CARD14: variants seen among roughly 807,000 people sequenced by gnomAD.
CARD14 encodes the protein caspase recruitment domain family member 14, also known as caspase recruitment domain-containing protein 14.
In CARD14, 107 loss-of-function variants were observed where a neutral mutation model predicts 111.5. That is an observed-to-expected ratio of 0.96 (90% confidence interval 0.82 to 1.13). The LOEUF (loss-of-function observed/expected upper bound fraction) is 1.13, where lower values mean the gene tolerates loss of function less well. Among genes scored for constraint, CARD14 ranks in the 50% most tolerant of loss-of-function variants. The pLI is 0.00. For synonymous variants in CARD14, 617 were observed against 579.6 expected (o/e 1.06, Z -0.93); for missense variants, 1,322 against 1,362.3 (o/e 0.97, Z 0.47).
rs750455156 is a variant in CARD14, at chr17:80,183,965, C to A, written c.402C>A (p.Ser134Arg). 7.1e-6 allele frequency: 11 copies of A among 1,555,526 alleles called. No individual in the cohort carries two copies. The Admixed American group carries it at 1.3e-4, about 19-fold the overall frequency. Residue 134 changes from serine (S) to arginine (R), a missense_variant, in exon 7 of 24, where the codon AGC (serine) becomes AGA (arginine). Transcript: ENST00000648509. ...AGTGCCTGGCTGGGGCCATCGGCAGCCTGCAGGAGGAGCTGAACCAGGAAA... is the reference window on the plus strand; with the variant it reads ...AGTGCCTGGCTGGGGCCATCGGCAGACTGCAGGAGGAGCTGAACCAGGAAA... Reference protein sequence around the residue: ...LTECLAGAIGSLQEELNQEKG... With the variant: ...LTECLAGAIGRLQEELNQEKG...
chr17:80,204,476 G>T, intron 20 of CARD14, 135 bp downstream of exon 20: 1 of 849,018 alleles, frequency 1.2e-6, no homozygotes, highest in South Asian at 2.0e-5. Context: ...AAGAATCATG[G>T]GGCTGGGTGT....
rs946984632 is a variant in CARD14, at chr17:80,200,331, G to C, written c.1852-1413G>C. On this transcript the variant is annotated intron_variant, in intron 16 of 23. Transcript: ENST00000648509. ...GGCCCACTGCAACCTCCACCCCCTG[G>C]GTTCAAGCGATTCTCTTGCCTCAGC... 1.3e-5 allele frequency among the ~76,000 whole-genome samples: 2 copies of C among 149,452 alleles called. 1 individual carries two copies. Among genetic ancestry groups the C allele is most frequent in the Non-Finnish European group, 3.0e-5 (2 of 67,644 alleles).
At position 80,204,001 on chromosome 17, in the gene CARD14, C is replaced by T. The variant is rs1323566110; in HGVS notation, c.2283+116C>T. ...AGTGGGCTGCTGATTGGAGGGTAAC[C>T]CCACCTGTCTCTCCTCTGCACCCCT... is the stretch of plus-strand genomic sequence containing the variant. On this transcript the variant is annotated intron_variant, in intron 19 of 23. Transcript: ENST00000648509. The T allele has an allele frequency of 1.8e-5, 16 of 902,824 alleles. No individual in the cohort carries two copies. In the South Asian group the frequency reaches 2.4e-4, roughly 14 times the overall value. The allele number at this position is 902,824 out of a possible 1,614,324, so 55.9% of individuals were successfully genotyped here.
Position 80,189,952 on chromosome 17 carries a change from A to G in CARD14, c.963+80A>G. The G allele has an allele frequency of 6.6e-7, 1 of 1,511,658 alleles. No individual in the cohort carries two copies. 93.6% of individuals were successfully genotyped at this position (1,511,658 alleles called of 1,614,324 possible). ...GCGGACAGGTCTGTGGGGAAGCCAG[A>G]TTCCTTCATCCACGCCGAGCTCACA... is the stretch of plus-strand genomic sequence containing the variant. On this transcript the variant is annotated intron_variant, in intron 9 of 23. Coordinates refer to ENST00000648509, the MANE Select transcript of CARD14 (RefSeq NM_001366385.1). The surrounding 1 kb of genome is among the most constrained non-coding windows in gnomAD (Gnocchi z 4.7).
Position 80,193,415 on chromosome 17 carries a change from C to CAG in CARD14, c.1356+797_1356+798insGA, listed in dbSNP as rs1567884700. 9.0e-4 allele frequency among the ~76,000 whole-genome samples: 136 copies of CAG among 150,730 alleles called. 2 individuals carry two copies. Among genetic ancestry groups the CAG allele is most frequent in the South Asian group, 1.7e-3 (8 of 4,738 alleles). Reference sequence around the variant, plus strand: ...CCAGGGGACCCGATTCAACCTGGCACACATGGTCCCTGGGATGCCGGCCTC... The same window carrying CAG: ...CCAGGGGACCCGATTCAACCTGGCACAGACATGGTCCCTGGGATGCCGGCCTC... On this transcript the variant is annotated intron_variant, in intron 12 of 23. Transcript: ENST00000648509.
At chr17:80,206,455 A>G (rs1161760464) in intron 22 of CARD14, among the ~76,000 whole-genome samples, 1 of 152,192 alleles carries the variant, frequency 6.6e-6, no homozygotes, top group African/African-American at 2.4e-5. Context: ...TCTCTACAAA[A>G]CATTTAAAAG....
At chr17:80,177,850 CTCT>C (rs2040062794) in intron 2 of CARD14, among the ~76,000 whole-genome samples, 1 of 152,092 alleles carries the variant, frequency 6.6e-6, no homozygotes, top group Non-Finnish European at 1.5e-5. Flanking sequence ...AGCCCTTCTC[CTCT>C]TGTTATAAGG....
chr17:80,181,007 TC>T (rs1194260972), intron 4 of CARD14, among the ~76,000 whole-genome samples: 1 of 151,022 alleles, frequency 6.6e-6, no homozygotes, highest in East Asian at 1.9e-4. Context: ...GAGCAATCCT[TC>T]CCCCTTCGCC....
chr17:80,201,947 G>A lies in CARD14; in HGVS notation c.1978+77G>A. The A allele has an allele frequency of 6.7e-7, 1 of 1,502,856 alleles. No homozygotes were observed. The highest frequency in any genetic ancestry group is 1.3e-5 in the South Asian group (1 of 76,500). The allele number at this position is 1,502,856 out of a possible 1,614,324, so 93.1% of individuals were successfully genotyped here. A position where few individuals can be genotyped will look rare whatever the true frequency, so the allele number is the denominator to read the frequency against. ...CCCTTAAGTCCCTGGTGGTTCTTCT[G>A]CACGCCCAGCAGCCAGGGACCCCCA... On this transcript the variant is annotated intron_variant, in intron 17 of 23. Transcript: ENST00000648509. This position sits in a 1 kb window ranked among gnomAD's most constrained non-coding sequence, Gnocchi z 5.0.
intron 7 of CARD14, among the ~76,000 whole-genome samples, chr17:80,185,548 C>T (rs1352540122): frequency 1.3e-5 from 2 of 152,150 alleles, no homozygotes; most frequent in African/African-American, 4.8e-5. Flanking sequence ...AGCACCTGCC[C>T]CTATATAGCC....
chr17:80,173,261 G>A, intron 2 of CARD14, 33 bp downstream of exon 2: 1 of 152,230 alleles, frequency 6.6e-6, no homozygotes, highest in Non-Finnish European at 1.5e-5. Flanking sequence ...TCTGCTCTCT[G>A]CCTCTCCATT....
chr17:80,196,928 G>T (rs1395481207), intron 14 of CARD14: 2 of 152,424 alleles, frequency 1.3e-5, no homozygotes, highest in African/African-American at 4.8e-5. Context: ...CAGTAGTGCA[G>T]GTCTGGGTAG....
rs1192824295 is a variant in CARD14 at position 80,181,425 on chromosome 17, C to T, written c.-14C>T. ...CCATGGCCACCCCTCCTAGGGTCCT[C>T]CCAGCGCCCAGCCATGGGGGAACTG... On this transcript the variant is annotated 5_prime_UTR_variant, in exon 5 of 24. Transcript: ENST00000648509. 6.4e-7 allele frequency: 1 copy of T among 1,556,498 alleles called. No homozygotes were observed. Among genetic ancestry groups the T allele is most frequent in the Non-Finnish European group, 8.7e-7 (1 of 1,150,016 alleles).
At position 80,203,635 on chromosome 17, in the gene CARD14, G is replaced by C; in HGVS notation, c.2220-187G>C. 1 of 541,498 alleles carries C rather than the reference G, an allele frequency of 1.8e-6. No individual in the cohort carries two copies. Among genetic ancestry groups the C allele is most frequent in the Non-Finnish European group, 3.3e-6 (1 of 303,540 alleles). The allele number at this position is 541,498 out of a possible 1,614,324, so 33.5% of individuals were successfully genotyped here. A position where few individuals can be genotyped will look rare whatever the true frequency, so the allele number is the denominator to read the frequency against. ...GCCGAGGCCCTGGAGTCTTTTGAAA[G>C]CTCTGGAGACTGGCATGGCCGCCAG... On this transcript the variant is annotated intron_variant, in intron 18 of 23. Coordinates refer to ENST00000648509, the MANE Select transcript of CARD14 (RefSeq NM_001366385.1). The surrounding 1 kb of genome is among the most constrained non-coding windows in gnomAD (Gnocchi z 4.6).
intron 5 of CARD14, 45 bp downstream of exon 5, chr17:80,181,694 C>T (rs1373024476): frequency 4.5e-5 from 67 of 1,488,816 alleles, no homozygotes; most frequent in Non-Finnish European, 6.0e-5. Context: ...CTTCCCGTGG[C>T]CCACATGGCT....
Position 80,191,471 on chromosome 17 carries a change from T to C in CARD14, c.1238T>C (p.Val413Ala). 4 of 1,611,064 alleles carry C rather than the reference T, an allele frequency of 2.5e-6. No homozygotes were observed. Among genetic ancestry groups the C allele is most frequent in the Non-Finnish European group, 3.4e-6 (4 of 1,178,092 alleles). ...CAGCTGCAGGCAGAGCCTCCGGGTG[T>C]GGTGAGTGTTCCCGGCTGACCCGAG... ...LRQLQAEPPG[V>A]LKQEARTREP... The change falls in exon 11 of 24, where the codon GTG becomes GCG. Residue 413 changes from valine (V) to alanine (A), a missense_variant and splice_region_variant. Coordinates refer to ENST00000648509, the MANE Select transcript of CARD14 (RefSeq NM_001366385.1).
chr17:80,201,834 G>A lies in CARD14; in HGVS notation c.1942G>A (p.Gly648Ser), dbSNP rs748993106. ...CGTGGGGCTTCTCAGGAGGGTGGAC[G>A]GCTTCTGCTGCCTGTCTGTGAAGGT... ...EAVGLLRRVD[G>S]FCCLSVKVNT... Residue 648 changes from glycine to serine, a missense_variant, in exon 17 of 24, where the codon GGC becomes AGC. Coordinates refer to ENST00000648509, the MANE Select transcript of CARD14 (RefSeq NM_001366385.1). The surrounding 1 kb of genome is among the most constrained non-coding windows in gnomAD (Gnocchi z 5.0). 25 of 1,613,820 alleles carry A rather than the reference G, an allele frequency of 1.5e-5. No homozygotes were observed. The East Asian group carries it at 1.6e-4, about 10-fold the overall frequency.
intron 1 of CARD14, among the ~76,000 whole-genome samples, chr17:80,172,317 T>C (rs2039919921): frequency 6.6e-6 from 1 of 152,186 alleles, no homozygotes; most frequent in African/African-American, 2.4e-5. Flanking sequence ...CGTAAGAGAT[T>C]TGGGGGCAAA....
Position 80,182,397 on chromosome 17 carries a change from G to A in CARD14, c.212-256G>A, listed in dbSNP as rs2040202293. Among the ~76,000 whole-genome samples the A allele has an allele frequency of 6.6e-6, 1 of 152,228 alleles. No individual in the cohort carries two copies. Among genetic ancestry groups the A allele is most frequent in the Admixed American group, 6.5e-5 (1 of 15,284 alleles). On this transcript the variant is annotated intron_variant, in intron 5 of 23. Transcript: ENST00000648509. The surrounding 1 kb of genome is among the most constrained non-coding windows in gnomAD (Gnocchi z 4.7). The stretch of plus-strand genomic sequence containing the variant: ...CCCCCGCACTCGCCAGAGCACTGGG[G>A]TTGCAGTAGTTGCTCGATACATGCC...
Sources: gnomAD v4.1 joint callset for allele counts (sites outside exome capture counted in the v4.1 genomes callset) on GRCh38, gnomAD v4.1.1 for gene constraint, Gnocchi (gnomAD v3.1) non-coding constraint, MANE v1.5 for transcripts, NCBI Gene and HGNC (gene_info 2026-07-23, HGNC 2026-07-21) for gene names.